The following ARHGAP28 variants were observed in gnomAD, a reference collection of about 807,000 sequenced individuals.
The protein encoded by ARHGAP28 is rho GTPase-activating protein 28.
In ARHGAP28, 56 loss-of-function variants were observed where a neutral mutation model predicts 90.7. The ratio of observed to expected loss-of-function variants is 0.62; its 90% CI spans 0.50 to 0.77. ARHGAP28 has a LOEUF of 0.77. Among genes scored for constraint, ARHGAP28 ranks in the 30% least tolerant of loss-of-function variants. The probability of loss-of-function intolerance (pLI) is 0.00; values close to 1 mark genes in which losing one functional copy is unlikely to be tolerated. For synonymous variants in ARHGAP28, 308 were observed against 323.3 expected (o/e 0.95, Z 0.51); for missense variants, 869 against 900.9 (o/e 0.96, Z 0.45).
rs1047211432 is a variant in ARHGAP28, at chr18:6,730,239, C to G, written c.122+296C>G. The stretch of plus-strand genomic sequence containing the variant: ...GTCATGTGTATATATATATATATAC[C>G]TCATTTCGGCCAAAGTTGCCTATAA... On this transcript the variant is annotated intron_variant, in intron 1 of 17. Transcript: ENST00000383472. 2 of 99,404 alleles carry G rather than the reference C, an allele frequency of 2.0e-5. 1 individual carries two copies. Among genetic ancestry groups the G allele is most frequent in the African/African-American group, 1.2e-4 (2 of 17,144 alleles). The allele number at this position is 99,404 out of a possible 1,614,324, so 6.2% of individuals were successfully genotyped here. A position where few individuals can be genotyped will look rare whatever the true frequency, so the allele number is the denominator to read the frequency against.
chr18:6,800,448 T>A (rs573062392), intron 1 of ARHGAP28, among the ~76,000 whole-genome samples: 5 of 152,152 alleles, frequency 3.3e-5, no homozygotes, highest in African/African-American at 1.2e-4. Flanking sequence ...AGCAAAGACT[T>A]GGAACCAACC....
Position 6,802,308 on chromosome 18 carries a change from CTGGATCATA to C in ARHGAP28, c.123-22441_123-22433del, listed in dbSNP as rs534736519. On this transcript the variant is annotated intron_variant, in intron 1 of 17. Transcript: ENST00000383472. ...GTGCAGTAGTGCAGTAGTGGAATTG[CTGGATCATA>C]TGGATCATATGGTAGTTCTTTTTTT... Among the ~76,000 whole-genome samples the C allele has an allele frequency of 3.9e-3, 533 of 136,890 alleles. 3 individuals carry two copies. The highest frequency in any genetic ancestry group is 0.014 in the African/African-American group (511 of 36,750). The allele number at this position is 136,890 out of a possible 152,430, so 89.8% of individuals were successfully genotyped here.
chr18:6,882,413 G>A, intron 11 of ARHGAP28, 114 bp downstream of exon 11: 7 of 996,396 alleles, frequency 7.0e-6, no homozygotes, highest in African/African-American at 3.3e-5. Context: ...TGTCCTGACA[G>A]TGCTTGGTGG....
intron 17 of ARHGAP28, among the ~76,000 whole-genome samples, chr18:6,910,479 G>A (rs900856692): frequency 1.1e-4 from 17 of 152,004 alleles, no homozygotes; most frequent in Non-Finnish European, 2.2e-4. Flanking sequence ...GACAGGGTTG[G>A]ATCTGGGGCC....
At chr18:6,805,945 C>T (rs1239671425) in intron 1 of ARHGAP28, among the ~76,000 whole-genome samples, 2 of 152,044 alleles carry the variant, frequency 1.3e-5, no homozygotes, top group Non-Finnish European at 2.9e-5. Flanking sequence ...AGTGCAGTGG[C>T]AAGATCTTGA....
chr18:6,863,193 T>C (rs1262414196), intron 5 of ARHGAP28, among the ~76,000 whole-genome samples: 2 of 152,008 alleles, frequency 1.3e-5, no homozygotes, highest in African/African-American at 4.8e-5. Flanking sequence ...TTTGATAAGT[T>C]CTTGATTTTT....
At chr18:6,778,617 T>C (rs2056302270) in intron 1 of ARHGAP28, among the ~76,000 whole-genome samples, 2 of 152,250 alleles carry the variant, frequency 1.3e-5, no homozygotes, top group South Asian at 4.1e-4. Flanking sequence ...CATTTCCTTA[T>C]CTGTAAATAA....
intron 3 of ARHGAP28, among the ~76,000 whole-genome samples, chr18:6,847,466 C>A (rs1408769284): frequency 2.0e-5 from 3 of 152,080 alleles, no homozygotes; most frequent in African/African-American, 7.2e-5. Context: ...TATGTTGCAT[C>A]CTCTGTGAGT....
chr18:6,790,915 C>T (rs1372803810), intron 1 of ARHGAP28: 1 of 152,098 alleles, frequency 6.6e-6, no homozygotes, highest in African/African-American at 2.4e-5. Flanking sequence ...CATTACTCAG[C>T]ACTATCAGAC....
chr18:6,787,424 G>C (rs564651169), intron 1 of ARHGAP28, among the ~76,000 whole-genome samples: 2 of 152,154 alleles, frequency 1.3e-5, no homozygotes, highest in African/African-American at 4.8e-5. Flanking sequence ...AATGAGAATG[G>C]TTATTAAGAT....
In ARHGAP28 at chr18:6,844,345, C is replaced by T. The variant is rs573504792; in HGVS notation, c.544-6689C>T. On this transcript the variant is annotated intron_variant, in intron 3 of 17. Transcript: ENST00000383472. Reference sequence around the variant, plus strand: ...TCTTTTTGTCTTTCTTTTTGGCTTTCATAAAAACAATCAGGACACTTAAGG... The same window carrying T: ...TCTTTTTGTCTTTCTTTTTGGCTTTTATAAAAACAATCAGGACACTTAAGG... 1.2e-4 allele frequency among the ~76,000 whole-genome samples: 18 copies of T among 152,232 alleles called. No individual in the cohort carries two copies. The South Asian group carries it at 3.7e-3, about 32-fold the overall frequency.
In ARHGAP28 at chr18:6,864,203, C is replaced by G. The variant is rs978998614; in HGVS notation, c.727-3947C>G. ...GCCTCTGCCTCCCCAGTAGCTGGGA[C>G]TACAAGCGCACACCACCATGCCTGG... On this transcript the variant is annotated intron_variant, in intron 5 of 17. Transcript: ENST00000383472. Among the ~76,000 whole-genome samples the G allele has an allele frequency of 3.9e-5, 6 of 152,068 alleles. No individual in the cohort carries two copies. The East Asian group carries it at 9.6e-4, about 24-fold the overall frequency.
chr18:6,860,460 A>G (rs886269346), intron 5 of ARHGAP28, among the ~76,000 whole-genome samples: 6 of 152,090 alleles, frequency 3.9e-5, no homozygotes, highest in Admixed American at 1.3e-4. Context: ...ATCCCCATTC[A>G]TTGTCTCTGA....
chr18:6,892,032 T>C (rs1456932255), intron 14 of ARHGAP28, among the ~76,000 whole-genome samples: 2 of 152,200 alleles, frequency 1.3e-5, no homozygotes, highest in Admixed American at 6.5e-5. Flanking sequence ...GACTGTATTC[T>C]CTGACTCATG....
At chr18:6,880,056 T>C (rs1327573323) in intron 10 of ARHGAP28, among the ~76,000 whole-genome samples, 1 of 152,166 alleles carries the variant, frequency 6.6e-6, no homozygotes, top group Non-Finnish European at 1.5e-5. Flanking sequence ...ATTCTTCTCC[T>C]CTCGCTGGTG....
chr18:6,834,445 A>G (rs1467944422), intron 2 of ARHGAP28: 2 of 152,218 alleles, frequency 1.3e-5, no homozygotes, highest in African/African-American at 4.8e-5. Context: ...ACCTTGTGAC[A>G]AAATAGAATG....
chr18:6,817,819 C>T (rs1325902114), intron 1 of ARHGAP28, among the ~76,000 whole-genome samples: 1 of 152,162 alleles, frequency 6.6e-6, no homozygotes, highest in Non-Finnish European at 1.5e-5. Flanking sequence ...AAGACTTTTA[C>T]TTATGTGACT....
At chr18:6,762,509 C>T (rs1267185288) in intron 1 of ARHGAP28, among the ~76,000 whole-genome samples, 1 of 152,208 alleles carries the variant, frequency 6.6e-6, no homozygotes, top group Non-Finnish European at 1.5e-5. Flanking sequence ...GATATTCCTT[C>T]TGTTAGAAAT....
chr18:6,800,392 A>G (rs1289643530), intron 1 of ARHGAP28, among the ~76,000 whole-genome samples: 3 of 152,230 alleles, frequency 2.0e-5, no homozygotes, highest in Admixed American at 2.0e-4. Flanking sequence ...TCATTCTACT[A>G]TAAAGACACA....
Sources: gnomAD v4.1 joint callset for allele counts (sites outside exome capture counted in the v4.1 genomes callset) on GRCh38, gnomAD v4.1.1 for gene constraint, MANE v1.5 for transcripts, NCBI Gene and HGNC (gene_info 2026-07-23, HGNC 2026-07-21) for gene names.